SRP19: variants seen among roughly 807,000 people sequenced by gnomAD.
The protein encoded by SRP19 is signal recognition particle 19.
A neutral mutation model predicts 22.4 loss-of-function variants in SRP19; 11 were observed. The observed-to-expected ratio is 0.49, with a 90% CI of 0.31 to 0.81. SRP19 has a LOEUF of 0.81. Among genes scored for constraint, SRP19 ranks in the 40% least tolerant of loss-of-function variants. The pLI is 0.05. For missense variants in SRP19, 168 were observed against 175.9 expected (o/e 0.96, Z 0.25); for synonymous variants, 61 against 57.6 (o/e 1.06, Z -0.27).
chr5:112,874,622 T>G (rs1005179674), downstream of SRP19, among the ~76,000 whole-genome samples: 1 of 152,164 alleles, frequency 6.6e-6, no homozygotes, highest in African/African-American at 2.4e-5. Flanking sequence ...TATCTCAAAG[T>G]GCAGTTCCTG....
chr5:112,892,074 G>A, exon 5 of SRP19: 1 of 1,596,918 alleles, frequency 6.3e-7, no homozygotes, highest in Non-Finnish European at 8.6e-7. Flanking sequence ...AGAAGATGCT[G>A]GATCAGGCTG....
chr5:112,881,701 G>A (rs1459626514), intron 4 of SRP19, among the ~76,000 whole-genome samples: 1 of 151,968 alleles, frequency 6.6e-6, no homozygotes, highest in Non-Finnish European at 1.5e-5. Context: ...CTGACTCTTG[G>A]GCTACTTTGC....
At chr5:112,866,116 C>CTA (rs1767596134) in intron 4 of SRP19, among the ~76,000 whole-genome samples, 1 of 142,014 alleles carries the variant, frequency 7.0e-6, no homozygotes, top group African/African-American at 2.6e-5. Flanking sequence ...AGTCTTTTTT[C>CTA]TTTTTTTTTT....
intron 4 of SRP19, among the ~76,000 whole-genome samples, chr5:112,890,394 G>C (rs922090268): frequency 2.0e-5 from 3 of 149,008 alleles, no homozygotes; most frequent in Non-Finnish European, 4.4e-5. Flanking sequence ...AATAAAAAAG[G>C]GTTTCACTTT....
downstream of SRP19, among the ~76,000 whole-genome samples, chr5:112,871,614 C>T (rs1474882064): frequency 6.6e-6 from 1 of 151,852 alleles, no homozygotes; most frequent in Admixed American, 6.6e-5. Flanking sequence ...AAAAACTAGC[C>T]AGGCGTGGTG....
chr5:112,870,606 G>A (rs1416499074), downstream of SRP19, among the ~76,000 whole-genome samples: 2 of 152,270 alleles, frequency 1.3e-5, no homozygotes, highest in South Asian at 2.1e-4. Flanking sequence ...CCTCCAAAAT[G>A]CATGTTGAAA....
chr5:112,864,904 A>G (rs1767540663), intron 4 of SRP19, 172 bp downstream of exon 4: 4 of 442,944 alleles, frequency 9.0e-6, no homozygotes, highest in Non-Finnish European at 1.6e-5. Flanking sequence ...TTTGAGGTGA[A>G]TGACCTCTTT....
rs571449767 is a variant in SRP19, at chr5:112,891,374, T to A, written c.302-229T>A. Among the ~76,000 whole-genome samples the A allele has an allele frequency of 6.6e-5, 10 of 152,180 alleles. No homozygotes were observed. The South Asian group carries it at 2.1e-3, about 32-fold the overall frequency. ...AGGAGTGAGCCACCGCACCTGGCCATAAGTAAATATTTTAGAACTCTCCTT... is the reference window on the plus strand; with the variant it reads ...AGGAGTGAGCCACCGCACCTGGCCAAAAGTAAATATTTTAGAACTCTCCTT... On this transcript the variant is annotated intron_variant, in intron 4 of 4. Coordinates refer to the SRP19 transcript ENST00000391338.
chr5:112,892,059 T>G, exon 5 of SRP19: 4 of 1,544,064 alleles, frequency 2.6e-6, no homozygotes, highest in Non-Finnish European at 1.8e-6. Flanking sequence ...AAGAGGAAGC[T>G]GTGCAGAAGA....
chr5:112,892,637 T>G, exon 5 of SRP19: 2 of 1,614,106 alleles, frequency 1.2e-6, no homozygotes, highest in Non-Finnish European at 8.5e-7. Context: ...CACTGCAACT[T>G]TCTTCATGTG....
intron 4 of SRP19, among the ~76,000 whole-genome samples, chr5:112,875,512 C>T (rs115430109): frequency 0.017 from 2,656 of 151,938 alleles, 24 homozygotes; most frequent in Admixed American, 0.022. Context: ...ACTACAGGTA[C>T]GTTCCACCAC....
At chr5:112,883,714 A>C (rs139693282) in intron 4 of SRP19, among the ~76,000 whole-genome samples, 5 of 152,250 alleles carry the variant, frequency 3.3e-5, no homozygotes. Context: ...TATTTGACTA[A>C]TCCTTGTAGG....
chr5:112,874,151 G>A (rs893428585), downstream of SRP19, among the ~76,000 whole-genome samples: 1 of 152,148 alleles, frequency 6.6e-6, no homozygotes, highest in Non-Finnish European at 1.5e-5. Context: ...GGGTGACAGA[G>A]TGAGTCCTTG....
intron 4 of SRP19, chr5:112,887,141 C>G: frequency 6.2e-7 from 1 of 1,611,794 alleles, no homozygotes; most frequent in African/African-American, 1.3e-5. Flanking sequence ...AGTTCAGCCC[C>G]ATTAGAAGGG....
intron 4 of SRP19, chr5:112,885,591 C>T (rs1003797351): frequency 7.4e-6 from 2 of 270,618 alleles, no homozygotes; most frequent in Admixed American, 4.0e-5. Flanking sequence ...TTCTGGACAA[C>T]TTAGACCCAC....
intron 4 of SRP19, among the ~76,000 whole-genome samples, chr5:112,881,729 T>G (rs1364880717): frequency 6.6e-6 from 1 of 152,154 alleles, no homozygotes; most frequent in East Asian, 1.9e-4. Flanking sequence ...CTTGAAGATT[T>G]TAGCTCCTAA....
At position 112,861,367 on chromosome 5, in the gene SRP19, TC is replaced by T. The variant is rs1561636514; in HGVS notation, c.-9del. Reference sequence around the variant, plus strand: ...CCTGCGGCTCCTGGGTTGTTGAGACTCTTGTGAAGATGGCTTGCGCTGCCGC... The same window carrying T: ...CCTGCGGCTCCTGGGTTGTTGAGACTTTGTGAAGATGGCTTGCGCTGCCGC... On this transcript the variant is annotated 5_prime_UTR_variant, in exon 1 of 5. Transcript: ENST00000505459. The T allele has an allele frequency of 1.2e-6, 2 of 1,614,074 alleles. No homozygotes were observed. The highest frequency in any genetic ancestry group is 2.7e-5 in the African/African-American group (2 of 74,950).
downstream of SRP19, among the ~76,000 whole-genome samples, chr5:112,873,271 C>CTTTTTTTTTTTTTTTTTTTTTTTTTTT (rs35379154): frequency 3.2e-4 from 16 of 50,752 alleles, no homozygotes; most frequent in African/African-American, 5.2e-4. Flanking sequence ...CTCAGGTTTT[C>CTTTTTTTTTTTTTTTTTTTTTTTTTTT]TTTTTTTTTT....
chr5:112,876,564 T>G (rs1767901540), intron 4 of SRP19: 1 of 152,212 alleles, frequency 6.6e-6, no homozygotes, highest in African/African-American at 2.4e-5. Context: ...AGGGAATAAC[T>G]GCTGCAGGAA....
Sources: allele counts gnomAD v4.1 joint callset (sites outside exome capture counted in the v4.1 genomes callset), GRCh38; gene constraint gnomAD v4.1.1; transcripts MANE v1.5; gene names NCBI Gene and HGNC (gene_info 2026-07-23, HGNC 2026-07-21).